The following ZNF800 variants were observed in gnomAD, a reference collection of about 807,000 sequenced individuals.
ZNF800 encodes zinc finger protein 800.
ZNF800 carries 13 observed loss-of-function variants against 59.5 expected under a neutral mutation model. That is an observed-to-expected ratio of 0.22 (90% confidence interval 0.14 to 0.35). The LOEUF (loss-of-function observed/expected upper bound fraction) is 0.35, where lower values mean the gene tolerates loss of function less well. ZNF800 is among the 10% of genes least tolerant of loss of function. The probability of loss-of-function intolerance (pLI) is 1.00; values close to 1 mark genes in which losing one functional copy is unlikely to be tolerated. For synonymous variants in ZNF800, 266 were observed against 265.7 expected (o/e 1.00, Z -0.01); for missense variants, 621 against 783.7 (o/e 0.79, Z 2.48).
At chr7:127,344,397 C>T (rs1800021735), downstream of ZNF800, among the ~76,000 whole-genome samples, 1 of 152,062 alleles carries the variant, frequency 6.6e-6, no homozygotes, top group Admixed American at 6.5e-5. Context: ...TAACACATGA[C>T]AAGTTCCTGA....
At chr7:127,361,903 T>C (rs1389891057) in intron 1 of ZNF800, 8 of 152,156 alleles carry the variant, frequency 5.3e-5, no homozygotes, top group Non-Finnish European at 5.9e-5. Context: ...GTTTCATTAT[T>C]AAGCTTTAGA....
At chr7:127,372,300 A>C (rs1359916536) in intron 5 of ZNF800, among the ~76,000 whole-genome samples, 1 of 151,820 alleles carries the variant, frequency 6.6e-6, no homozygotes, top group South Asian at 2.1e-4. Flanking sequence ...GACCAACATG[A>C]TGAAACCCCA....
chr7:127,386,345 A>G (rs1003799688), intron 2 of ZNF800, among the ~76,000 whole-genome samples, 190 bp from the exon 3 acceptor site: 6 of 152,210 alleles, frequency 3.9e-5, no homozygotes, highest in Middle Eastern at 3.2e-3. Context: ...AGGCAAAATG[A>G]AACAATGGAG....
At chr7:127,373,093 T>G in intron 5 of ZNF800, 1 of 985,452 alleles carries the variant, frequency 1.0e-6, no homozygotes. Context: ...CCCTGTGCCA[T>G]CTACCTACAA....
downstream of ZNF800, chr7:127,369,957 T>C (rs1587434709): frequency 6.6e-6 from 1 of 152,134 alleles, no homozygotes; most frequent in East Asian, 1.9e-4. Context: ...AATCCTCATA[T>C]CTTTTCAGGG....
chr7:127,352,760 CCT>C (rs1341354890), intron 1 of ZNF800, among the ~76,000 whole-genome samples: 1 of 152,160 alleles, frequency 6.6e-6, no homozygotes, highest in Non-Finnish European at 1.5e-5. Flanking sequence ...TACCTAGTTA[CCT>C]CTCTGGATGA....
chr7:127,371,511 T>C lies in ZNF800; in HGVS notation c.*303A>G, dbSNP rs1800630552. 3.8e-6 allele frequency: 1 copy of C among 265,522 alleles called. No homozygotes were observed. The highest frequency in any genetic ancestry group is 7.0e-6 in the Non-Finnish European group (1 of 141,916). 16.4% of individuals were successfully genotyped at this position (265,522 alleles called of 1,614,324 possible). ...CAACAAATTGTTTAGAAAACAAAAT[T>C]TGTAACATTTTTGTAGAAACTGTCG... On this transcript the variant is annotated 3_prime_UTR_variant, in exon 6 of 6. Coordinates refer to ENST00000265827, the MANE Select transcript of ZNF800 (RefSeq NM_176814.5).
chr7:127,352,134 A>G (rs1800177910), intron 1 of ZNF800, among the ~76,000 whole-genome samples: 1 of 152,232 alleles, frequency 6.6e-6, no homozygotes, highest in Non-Finnish European at 1.5e-5. Context: ...AAAAGAATTA[A>G]AGGATGAAAA....
intron 3 of ZNF800, among the ~76,000 whole-genome samples, chr7:127,385,309 A>T (rs1801103515): frequency 6.6e-6 from 1 of 152,198 alleles, no homozygotes; most frequent in Non-Finnish European, 1.5e-5. Flanking sequence ...CTGTAATGTC[A>T]GAGAAGCCAA....
At chr7:127,369,077 G>A (rs976387440), downstream of ZNF800, among the ~76,000 whole-genome samples, 3 of 151,302 alleles carry the variant, frequency 2.0e-5, no homozygotes, top group Admixed American at 6.6e-5. Flanking sequence ...TTCAAGGCAT[G>A]TCTAATGAAC....
chr7:127,350,665 C>T (rs1234045300), intron 1 of ZNF800: 2 of 152,204 alleles, frequency 1.3e-5, no homozygotes, highest in African/African-American at 4.8e-5. Context: ...TTCAATTAGA[C>T]TTCTGGAAAG....
In ZNF800 at chr7:127,370,451, TAC is replaced by T. The variant is rs898729852; in HGVS notation, c.*1361_*1362del. 2.0e-5 allele frequency: 3 copies of T among 152,736 alleles called. No individual in the cohort carries two copies. The highest frequency in any genetic ancestry group is 7.2e-5 in the African/African-American group (3 of 41,580). 9.5% of individuals were successfully genotyped at this position (152,736 alleles called of 1,614,324 possible). A position where few individuals can be genotyped will look rare whatever the true frequency, so the allele number is the denominator to read the frequency against. ...AATATAGAACATTTCCAGCAATAGT[TAC>T]AGTCTTTCTAGTTTCCTTTCACAGT... is the stretch of plus-strand genomic sequence containing the variant. On this transcript the variant is annotated 3_prime_UTR_variant, in exon 6 of 6. Transcript: ENST00000265827.
chr7:127,358,482 T>C (rs1045472285), intron 1 of ZNF800, among the ~76,000 whole-genome samples: 1 of 152,208 alleles, frequency 6.6e-6, no homozygotes, highest in Non-Finnish European at 1.5e-5. Context: ...GGTGCTATTA[T>C]ATGTCCCTGT....
chr7:127,380,275 A>G (rs1319531082), intron 3 of ZNF800, among the ~76,000 whole-genome samples: 2 of 152,150 alleles, frequency 1.3e-5, no homozygotes, highest in Non-Finnish European at 2.9e-5. Context: ...CTTGATGCTC[A>G]CCGCTACCCC....
intron 3 of ZNF800, among the ~76,000 whole-genome samples, chr7:127,380,082 G>A (rs895982515): frequency 2.0e-5 from 3 of 151,692 alleles, no homozygotes; most frequent in African/African-American, 7.3e-5. Context: ...TCCCAGTATA[G>A]ATGTCACTTC....
intron 1 of ZNF800, among the ~76,000 whole-genome samples, chr7:127,354,539 T>C (rs1447239106): frequency 1.3e-5 from 2 of 152,112 alleles, no homozygotes; most frequent in South Asian, 2.1e-4. Context: ...TGAAGGACAA[T>C]GTATACATCT....
intron 2 of ZNF800, among the ~76,000 whole-genome samples, chr7:127,388,505 T>A (rs1252451644): frequency 6.6e-6 from 1 of 152,128 alleles, no homozygotes; most frequent in Non-Finnish European, 1.5e-5. Flanking sequence ...TTACAAGAAT[T>A]CTAGAATTGG....
At position 127,373,697 on chromosome 7, in the gene ZNF800, G is replaced by C; in HGVS notation, c.1639C>G (p.Arg547Gly). 6.2e-7 allele frequency: 1 copy of C among 1,614,032 alleles called. No individual in the cohort carries two copies. Among genetic ancestry groups the C allele is most frequent in the Non-Finnish European group, 8.5e-7 (1 of 1,179,986 alleles). ...CTGGCTGTTATTTTCCCAAGATAAC[G>C]AGATGACTTTTTATGAACCACAGTT... ...HITVVHKKSSRYLGKITASLE... is the reference protein window; with the variant it reads ...HITVVHKKSSGYLGKITASLE... Residue 547 changes from arginine (R) to glycine (G), a missense_variant, in exon 5 of 6, where the codon CGT (arginine) becomes GGT (glycine). Around this residue, in one of 7 missense-constraint regions of ZNF800, gnomAD observed 46 missense variants for 118.4 expected, o/e 0.39. Transcript: ENST00000265827.
Position 127,374,771 on chromosome 7 carries a change from C to T in ZNF800, c.565G>A (p.Glu189Lys), listed in dbSNP as rs1800740351. Residue 189 changes from glutamate (E) to lysine (K), a missense_variant, in exon 5 of 6, where the codon GAA becomes AAA. This residue lies in a region of ZNF800 where 218 missense variants were observed against 230.8 expected (regional missense o/e 0.94). Coordinates refer to ENST00000265827, the MANE Select transcript of ZNF800 (RefSeq NM_176814.5). ...KTVPVTDTEV[E>K]TVEPPPVEIV... Reference sequence around the variant, plus strand: ...TCAACAGGAGGGGGCTCTACAGTTTCCACCTCTGTATCTGTAACCGGTACT... The same window carrying T: ...TCAACAGGAGGGGGCTCTACAGTTTTCACCTCTGTATCTGTAACCGGTACT... 1 of 1,613,790 alleles carries T rather than the reference C, an allele frequency of 6.2e-7. No homozygotes were observed. The highest frequency in any genetic ancestry group is 1.1e-5 in the South Asian group (1 of 91,044).
Sources: allele counts gnomAD v4.1 joint callset (sites outside exome capture counted in the v4.1 genomes callset), GRCh38; gene constraint gnomAD v4.1.1; regional missense constraint gnomAD v4.1.1; transcripts MANE v1.5; gene names NCBI Gene and HGNC (gene_info 2026-07-23, HGNC 2026-07-21).